The following STAC variants were observed in gnomAD, a reference collection of about 807,000 sequenced individuals.
STAC encodes SH3 and cysteine-rich domain-containing protein.
Under a neutral mutation model 48.8 loss-of-function variants are expected in STAC, and 43 were observed. The observed-to-expected ratio is 0.88, with a 90% confidence interval of 0.69 to 1.14. The LOEUF (loss-of-function observed/expected upper bound fraction) is 1.14, where lower values mean the gene tolerates loss of function less well. STAC is among the 50% of genes most tolerant of loss of function. The pLI, the probability that STAC is intolerant of heterozygous loss-of-function variation, is 0.00. For synonymous variants in STAC, 193 were observed against 179.5 expected (o/e 1.07, Z -0.60); for missense variants, 497 against 504.0 (o/e 0.99, Z 0.13).
intron 10 of STAC, among the ~76,000 whole-genome samples, chr3:36,537,994 G>A (rs1471360131): frequency 6.6e-6 from 1 of 151,546 alleles, no homozygotes; most frequent in Non-Finnish European, 1.5e-5. Flanking sequence ...AAACCAAAAT[G>A]CATTTATTTT....
At chr3:36,398,039 C>T (rs908658015) in intron 1 of STAC, among the ~76,000 whole-genome samples, 1 of 152,084 alleles carries the variant, frequency 6.6e-6, no homozygotes, top group Admixed American at 6.5e-5. Context: ...CAGGATCTTT[C>T]CTGGCTCTCA....
In STAC at chr3:36,547,906, G is replaced by T. The variant is rs1384835845; in HGVS notation, c.*1617G>T. The T allele has an allele frequency of 6.6e-6, 1 of 152,158 alleles. No homozygotes were observed. Among genetic ancestry groups the T allele is most frequent in the East Asian group, 1.9e-4 (1 of 5,192 alleles). 9.4% of individuals were successfully genotyped at this position (152,158 alleles called of 1,614,324 possible). On this transcript the variant is annotated 3_prime_UTR_variant, in exon 11 of 11. Coordinates refer to ENST00000273183, the MANE Select transcript of STAC (RefSeq NM_003149.3). Reference sequence around the variant, plus strand: ...GAGAGCCAGGGTAGATCATATGACTGCCTTTCTGTAAAATTGGATGCCTAG... The same window carrying T: ...GAGAGCCAGGGTAGATCATATGACTTCCTTTCTGTAAAATTGGATGCCTAG...
chr3:36,486,031 C>A, intron 4 of STAC, 103 bp from the exon 5 acceptor site: 1 of 846,702 alleles, frequency 1.2e-6, no homozygotes, highest in Non-Finnish European at 1.9e-6. Flanking sequence ...TTCCTCTGCA[C>A]AGAGCCTGCT....
At chr3:36,504,807 C>A (rs1698362545) in intron 7 of STAC, among the ~76,000 whole-genome samples, 1 of 151,474 alleles carries the variant, frequency 6.6e-6, no homozygotes, top group African/African-American at 2.4e-5. Flanking sequence ...ATATAATGTA[C>A]CTGAGCTTTG....
chr3:36,400,296 G>A (rs541005745), intron 1 of STAC, among the ~76,000 whole-genome samples: 31 of 152,310 alleles, frequency 2.0e-4, no homozygotes, highest in African/African-American at 6.7e-4. Context: ...CTCAGCTACT[G>A]TCAAATGGTC....
At chr3:36,398,308 A>AAAGAAAGCAAGC (rs1241951680) in intron 1 of STAC, among the ~76,000 whole-genome samples, 1 of 111,270 alleles carries the variant, frequency 9.0e-6, no homozygotes, top group Admixed American at 9.4e-5. Context: ...AGAAAGAAAG[A>AAAGAAAGCAAGC]AAGAAAGAAA....
chr3:36,400,294 C>T (rs768860076), intron 1 of STAC, among the ~76,000 whole-genome samples: 1 of 152,216 alleles, frequency 6.6e-6, no homozygotes, highest in African/African-American at 2.4e-5. Flanking sequence ...TGCTCAGCTA[C>T]TGTCAAATGG....
rs1699471749 is a variant in STAC at position 36,547,359 on chromosome 3, T to A, written c.*1070T>A. 6.6e-6 allele frequency: 1 copy of A among 152,620 alleles called. No homozygotes were observed. Among genetic ancestry groups the A allele is most frequent in the South Asian group, 2.1e-4 (1 of 4,836 alleles). The allele number at this position is 152,620 out of a possible 1,614,324, so 9.5% of individuals were successfully genotyped here. On this transcript the variant is annotated 3_prime_UTR_variant, in exon 11 of 11. Coordinates refer to ENST00000273183, the MANE Select transcript of STAC (RefSeq NM_003149.3). The stretch of plus-strand genomic sequence containing the variant: ...GGGCAGTATATGAAATCCTAGCAGA[T>A]GTAAAATGGAAAAGAATCCTAATGC...
At chr3:36,417,896 AT>A (rs1421689120) in intron 1 of STAC, among the ~76,000 whole-genome samples, 1 of 152,206 alleles carries the variant, frequency 6.6e-6, no homozygotes, top group Non-Finnish European at 1.5e-5. Context: ...CTAATCAGCT[AT>A]TCTTTCATTT....
intron 10 of STAC, among the ~76,000 whole-genome samples, chr3:36,536,327 G>A (rs961583205): frequency 1.1e-4 from 16 of 152,052 alleles, no homozygotes; most frequent in Non-Finnish European, 2.2e-4. Context: ...GAGGCATCCC[G>A]CTACCTGGCT....
intron 1 of STAC, among the ~76,000 whole-genome samples, chr3:36,426,710 A>G (rs1700573131): frequency 6.6e-6 from 1 of 152,212 alleles, no homozygotes; most frequent in Non-Finnish European, 1.5e-5. Context: ...ATCAAATTCT[A>G]TAACGTATAT....
intron 1 of STAC, among the ~76,000 whole-genome samples, chr3:36,383,873 G>A (rs1490970845): frequency 1.3e-5 from 2 of 152,202 alleles, no homozygotes; most frequent in African/African-American, 2.4e-5. Context: ...AGATCACACA[G>A]ATAGTTACTG....
intron 1 of STAC, among the ~76,000 whole-genome samples, chr3:36,424,117 T>G (rs554386326): frequency 6.6e-6 from 1 of 152,150 alleles, no homozygotes; most frequent in Non-Finnish European, 1.5e-5. Context: ...TGATAAGTAT[T>G]TGTGGAAATG....
intron 6 of STAC, 44 bp downstream of exon 6, chr3:36,493,273 C>A: frequency 6.3e-7 from 1 of 1,592,744 alleles, no homozygotes; most frequent in South Asian, 1.1e-5. Flanking sequence ...TCACATGAGT[C>A]AGGGTCAGTG....
At chr3:36,390,659 A>G (rs1699735902) in intron 1 of STAC, among the ~76,000 whole-genome samples, 1 of 151,892 alleles carries the variant, frequency 6.6e-6, no homozygotes, top group Admixed American at 6.6e-5. Context: ...GATAACTGTC[A>G]CTTTTGTGTT....
At chr3:36,541,273 T>C (rs947385892) in intron 10 of STAC, among the ~76,000 whole-genome samples, 1 of 152,136 alleles carries the variant, frequency 6.6e-6, no homozygotes, top group Non-Finnish European at 1.5e-5. Flanking sequence ...TAAGAATCAC[T>C]AACAAGGAGG....
intron 10 of STAC, among the ~76,000 whole-genome samples, chr3:36,543,122 G>A (rs1412289797): frequency 6.6e-6 from 1 of 152,070 alleles, no homozygotes; most frequent in Non-Finnish European, 1.5e-5. Flanking sequence ...AGACAAGTTG[G>A]TCACCCTCTA....
rs1416616370 is a variant in STAC, at chr3:36,443,368, A to C, written c.116A>C (p.Gln39Pro). ...TGTTCTGTCATTGCATTGCAGCTCC[A>C]GAAACTAAAACGATCACTTTCTTTC... The part of the protein sequence containing the change: ...ASTSSQESKL[Q>P]KLKRSLSFKT... The change falls in exon 2 of 11, where the codon CAG (glutamine) becomes CCG (proline). Residue 39 changes from glutamine to proline, a missense_variant. Coordinates refer to ENST00000273183, the MANE Select transcript of STAC (RefSeq NM_003149.3). The surrounding 1 kb of genome is among the most constrained non-coding windows in gnomAD (Gnocchi z 4.2). The C allele has an allele frequency of 1.2e-6, 2 of 1,614,206 alleles. No homozygotes were observed. Among genetic ancestry groups the C allele is most frequent in the Admixed American group, 3.3e-5 (2 of 60,032 alleles).
At position 36,546,514 on chromosome 3, in the gene STAC, G is replaced by A; in HGVS notation, c.*225G>A. On this transcript the variant is annotated 3_prime_UTR_variant, in exon 11 of 11. Transcript: ENST00000273183. ...GGTGGGGACGAGGCTGAGAGAGTCA[G>A]CAGGCAGAGCCAGATGCCATGCTTG... The A allele has an allele frequency of 1.8e-6, 1 of 561,464 alleles. No homozygotes were observed. Among genetic ancestry groups the A allele is most frequent in the Non-Finnish European group, 3.2e-6 (1 of 315,058 alleles). 34.8% of individuals were successfully genotyped at this position (561,464 alleles called of 1,614,324 possible).
Sources: gnomAD v4.1 joint callset for allele counts (sites outside exome capture counted in the v4.1 genomes callset) on GRCh38, gnomAD v4.1.1 for gene constraint, Gnocchi (gnomAD v3.1) non-coding constraint, MANE v1.5 for transcripts, NCBI Gene and HGNC (gene_info 2026-07-23, HGNC 2026-07-21) for gene names.